The following GFM1 variants were observed in gnomAD, a reference collection of about 807,000 sequenced individuals.
GFM1 encodes G elongation factor mitochondrial 1, also known as elongation factor G, mitochondrial.
A neutral mutation model predicts 96.2 loss-of-function variants in GFM1; 62 were observed. The observed-to-expected ratio is 0.64, with a 90% CI of 0.53 to 0.80. The LOEUF (loss-of-function observed/expected upper bound fraction) is 0.80, where lower values mean the gene tolerates loss of function less well. GFM1 is among the 30% of genes least tolerant of loss of function. The pLI, the probability that GFM1 is intolerant of heterozygous loss-of-function variation, is 0.00. For synonymous variants in GFM1, 282 were observed against 312.9 expected (o/e 0.90, Z 1.04); for missense variants, 852 against 916.6 (o/e 0.93, Z 0.91).
chr3:158,666,538 T>C, intron 13 of GFM1, 152 bp downstream of exon 13: 1 of 1,185,198 alleles, frequency 8.4e-7, no homozygotes. Flanking sequence ...ATCAAGACAT[T>C]TATATAAAGT....
chr3:158,653,211 A>G (rs1417207492), intron 6 of GFM1, 99 bp from the exon 7 acceptor site: 29 of 950,380 alleles, frequency 3.1e-5, no homozygotes, highest in Non-Finnish European at 4.7e-5. Context: ...CACTCCAAAG[A>G]GTAGAGTATC....
chr3:158,649,921 G>T, intron 5 of GFM1: 1 of 1,152,064 alleles, frequency 8.7e-7, no homozygotes, highest in South Asian at 1.3e-5. Context: ...CACTTTGAGT[G>T]ACACTGATCT....
intron 11 of GFM1, 105 bp from the exon 12 acceptor site, chr3:158,665,232 T>G: frequency 1.2e-6 from 1 of 832,216 alleles, no homozygotes; most frequent in South Asian, 1.5e-5. Flanking sequence ...CATTTTTATT[T>G]CTTAACTGCT....
intron 8 of GFM1, chr3:158,656,066 C>A (rs1463634891): frequency 5.4e-6 from 2 of 367,330 alleles, no homozygotes; most frequent in Non-Finnish European, 1.1e-5. Flanking sequence ...AGGAGGACTG[C>A]CATCGAGGTG....
chr3:158,680,137 A>ACT (rs1307119263), intron 13 of GFM1, among the ~76,000 whole-genome samples: 1 of 152,162 alleles, frequency 6.6e-6, no homozygotes, highest in East Asian at 1.9e-4. Context: ...TGTGGCCCTG[A>ACT]CATAATTTTT....
At position 158,691,972 on chromosome 3, in the gene GFM1, CTA is replaced by C. The variant is rs1726361169; in HGVS notation, c.*507_*508del. ...TATTATCTGTTTAAGTCTCATAACT[CTA>C]TTTTTAGTTTGCTGAAGACTTGAAA... is the stretch of plus-strand genomic sequence containing the variant. On this transcript the variant is annotated 3_prime_UTR_variant, in exon 18 of 18. Transcript: ENST00000486715. 6.3e-6 allele frequency: 1 copy of C among 158,454 alleles called. No homozygotes were observed. Among genetic ancestry groups the C allele is most frequent in the Non-Finnish European group, 1.4e-5 (1 of 72,062 alleles). 9.8% of individuals were successfully genotyped at this position (158,454 alleles called of 1,614,324 possible). A position where few individuals can be genotyped will look rare whatever the true frequency, so the allele number is the denominator to read the frequency against.
chr3:158,688,572 T>C (rs1184928016), intron 15 of GFM1, among the ~76,000 whole-genome samples: 1 of 152,252 alleles, frequency 6.6e-6, no homozygotes, highest in African/African-American at 2.4e-5. Flanking sequence ...CTATATCTGC[T>C]CACATATCTC....
intron 13 of GFM1, among the ~76,000 whole-genome samples, chr3:158,675,589 T>G (rs1724820079): frequency 6.6e-6 from 1 of 152,116 alleles, no homozygotes; most frequent in African/African-American, 2.4e-5. Flanking sequence ...GCCAAACAAG[T>G]TACTGATTCA....
intron 9 of GFM1, 51 bp from the exon 10 acceptor site, chr3:158,660,823 T>G (rs765325036): frequency 6.8e-7 from 1 of 1,469,272 alleles, no homozygotes; most frequent in East Asian, 2.3e-5. Flanking sequence ...AGTTACCACA[T>G]CTTTATTTGT....
chr3:158,670,822 A>G (rs1036575518), intron 13 of GFM1: 4 of 1,226,344 alleles, frequency 3.3e-6, no homozygotes, highest in Non-Finnish European at 4.1e-6. Flanking sequence ...GGTCCCAGCT[A>G]TTTGGGGAGG....
chr3:158,645,243 A>G (rs933348130), intron 1 of GFM1, among the ~76,000 whole-genome samples: 1 of 152,234 alleles, frequency 6.6e-6, no homozygotes, highest in Admixed American at 6.5e-5. Context: ...TCTGTGAACT[A>G]CAATAAAGGA....
At chr3:158,671,496 T>C (rs914493318) in intron 13 of GFM1, among the ~76,000 whole-genome samples, 13 of 152,252 alleles carry the variant, frequency 8.5e-5, no homozygotes, top group African/African-American at 3.1e-4. Context: ...TTTTTACTTA[T>C]ACATTAGTGA....
At chr3:158,650,556 G>A (rs193047054) in intron 5 of GFM1, 6 of 154,732 alleles carry the variant, frequency 3.9e-5, no homozygotes, top group Admixed American at 3.8e-4. Context: ...ACATGTGAAA[G>A]GCTAAGAAGC....
chr3:158,644,818 A>AGCTCCGAATACTGGCAGTC (rs1297959878), intron 1 of GFM1, 103 bp downstream of exon 1: 3 of 934,638 alleles, frequency 3.2e-6, no homozygotes, highest in African/African-American at 3.3e-5. Context: ...CATGACTGAC[A>AGCTCCGAATACTGGCAGTC]GCTCCGAATA....
chr3:158,675,231 A>G (rs1465321315), intron 13 of GFM1, among the ~76,000 whole-genome samples: 2 of 132,390 alleles, frequency 1.5e-5, no homozygotes, highest in Admixed American at 1.7e-4. Context: ...GGTTGCAGTG[A>G]GTGGAGATCA....
rs772628927 is a variant in GFM1, at chr3:158,645,707, C to T, written c.160C>T (p.His54Tyr). ...EKIRNIGISA[H>Y]IDSGKTTLTE... is the part of the protein sequence containing the mutation. The stretch of plus-strand genomic sequence containing the variant: ...AATACGAAATATTGGAATCTCAGCT[C>T]ACATTGATTCTGGGAAAACTACATT... Residue 54 changes from histidine (H) to tyrosine (Y), a missense_variant, in exon 2 of 18, where the codon CAC becomes TAC. Transcript: ENST00000486715. The T allele has an allele frequency of 1.2e-6, 2 of 1,610,854 alleles. No individual in the cohort carries two copies. Among genetic ancestry groups the T allele is most frequent in the South Asian group, 1.1e-5 (1 of 91,026 alleles).
chr3:158,654,666 G>A (rs1347593058), intron 8 of GFM1, 35 bp downstream of exon 8: 1 of 1,312,074 alleles, frequency 7.6e-7, no homozygotes, highest in Non-Finnish European at 1.1e-6. Context: ...ACTGCTATCT[G>A]TAGAATGTTT....
At chr3:158,678,489 A>T (rs557206841) in intron 13 of GFM1, among the ~76,000 whole-genome samples, 2 of 152,328 alleles carry the variant, frequency 1.3e-5, no homozygotes, top group East Asian at 3.9e-4. Context: ...GATGACTCTG[A>T]GGAGTTTAAG....
At chr3:158,676,322 G>A (rs1286231767) in intron 13 of GFM1, among the ~76,000 whole-genome samples, 2 of 122,104 alleles carry the variant, frequency 1.6e-5, no homozygotes, top group African/African-American at 3.9e-5. Context: ...TTTTCTCTTT[G>A]GGAAAGCAAA....
Sources: allele counts gnomAD v4.1 joint callset (sites outside exome capture counted in the v4.1 genomes callset), GRCh38; gene constraint gnomAD v4.1.1; transcripts MANE v1.5; gene names NCBI Gene and HGNC (gene_info 2026-07-23, HGNC 2026-07-21).